The following ENTREP1 variants were observed in gnomAD, a reference collection of about 807,000 sequenced individuals.
ENTREP1 encodes Friedreich ataxia region gene X123.
the ENTREP1 span, chr9:69,336,263 A>G: frequency 6.3e-7 from 1 of 1,585,018 alleles, no homozygotes; most frequent in Non-Finnish European, 8.7e-7. Flanking sequence ...GGCCTATGAT[A>G]CTCCTGGTAT....
At chr9:69,365,822 C>T in the ENTREP1 span, among the ~76,000 whole-genome samples, 1 of 152,098 alleles carries the variant, frequency 6.6e-6, no homozygotes, top group Non-Finnish European at 1.5e-5. Flanking sequence ...ATAAGGGCCT[C>T]CAGTTCCACT....
At chr9:69,386,156 G>GTT in the ENTREP1 span, 3 of 407,508 alleles carry the variant, frequency 7.4e-6, no homozygotes, top group Non-Finnish European at 1.2e-5. Context: ...GGGTTTTTTT[G>GTT]TTTTTTTTTA....
the ENTREP1 span, among the ~76,000 whole-genome samples, chr9:69,339,532 C>G: frequency 6.6e-6 from 1 of 152,206 alleles, no homozygotes; most frequent in South Asian, 2.1e-4. Context: ...CTGCCCCTCC[C>G]TTAATGGATA....
At chr9:69,330,465 A>G in the ENTREP1 span, among the ~76,000 whole-genome samples, 1 of 152,216 alleles carries the variant, frequency 6.6e-6, no homozygotes, top group African/African-American at 2.4e-5. Flanking sequence ...CTTTGAGTCC[A>G]TGATTCTTTG....
the ENTREP1 span, chr9:69,387,462 C>T: frequency 5.6e-6 from 1 of 177,072 alleles, no homozygotes; most frequent in South Asian, 1.4e-4. Flanking sequence ...CTTCACAGTG[C>T]AGAAGCATTG....
the ENTREP1 span, among the ~76,000 whole-genome samples, chr9:69,366,477 A>T: frequency 6.9e-6 from 1 of 144,936 alleles, no homozygotes; most frequent in South Asian, 2.2e-4. Flanking sequence ...GTTTTCTCTC[A>T]TTCTACAGGT....
chr9:69,330,647 C>T, the ENTREP1 span, among the ~76,000 whole-genome samples: 1 of 152,154 alleles, frequency 6.6e-6, no homozygotes, highest in African/African-American at 2.4e-5. Context: ...TTTTATCATA[C>T]TAATCAAATA....
chr9:69,385,866 C>A, the ENTREP1 span: 1 of 1,610,014 alleles, frequency 6.2e-7, no homozygotes, highest in Non-Finnish European at 8.5e-7. Flanking sequence ...CCTGGTGCGT[C>A]CTATCAGAAG....
chr9:69,377,548 C>T, the ENTREP1 span: 5 of 1,611,576 alleles, frequency 3.1e-6, no homozygotes. Context: ...GTGTCATCCA[C>T]TGCCTCTCTC....
chr9:69,388,207 G>A, the ENTREP1 span: 1 of 1,614,158 alleles, frequency 6.2e-7, no homozygotes, highest in Non-Finnish European at 8.5e-7. Flanking sequence ...AAAGGAGACT[G>A]GATCTGGCTG....
At chr9:69,382,877 T>C in the ENTREP1 span, 2 of 283,304 alleles carry the variant, frequency 7.1e-6, no homozygotes, top group Non-Finnish European at 1.1e-5. Context: ...GTTCTCTTTT[T>C]TTTTCTTTCA....
the ENTREP1 span, among the ~76,000 whole-genome samples, chr9:69,389,187 TG>T: frequency 6.6e-6 from 1 of 152,140 alleles, no homozygotes; most frequent in Non-Finnish European, 1.5e-5. Context: ...CTGCAGGTAG[TG>T]GGGTGGATGT....
the ENTREP1 span, among the ~76,000 whole-genome samples, chr9:69,338,778 C>T: frequency 6.6e-6 from 1 of 152,192 alleles, no homozygotes; most frequent in African/African-American, 2.4e-5. Flanking sequence ...AAGTAGGCTG[C>T]TGCCTTATTT....
the ENTREP1 span, among the ~76,000 whole-genome samples, chr9:69,378,046 T>C: frequency 6.6e-6 from 1 of 152,200 alleles, no homozygotes; most frequent in African/African-American, 2.4e-5. Context: ...TTACTTTCTC[T>C]TTTTGTCTGA....
At chr9:69,372,755 G>A in the ENTREP1 span, among the ~76,000 whole-genome samples, 1 of 151,866 alleles carries the variant, frequency 6.6e-6, no homozygotes, top group Non-Finnish European at 1.5e-5. Context: ...ACTTTGTATG[G>A]TTTTTCATAG....
the ENTREP1 span, among the ~76,000 whole-genome samples, chr9:69,370,529 C>G: frequency 6.6e-6 from 1 of 152,074 alleles, no homozygotes; most frequent in Non-Finnish European, 1.5e-5. Flanking sequence ...AGGCTGCATC[C>G]AAATTAACAA....
chr9:69,341,109 AG>A, the ENTREP1 span, among the ~76,000 whole-genome samples: 1 of 152,198 alleles, frequency 6.6e-6, no homozygotes, highest in Non-Finnish European at 1.5e-5. Context: ...TTTAGTAAGA[AG>A]TGCTACTGTG....
At chr9:69,366,384 G>GTTTTTTTTTTTTTTTTTTTTTTTTTT in the ENTREP1 span, among the ~76,000 whole-genome samples, 6 of 122,992 alleles carry the variant, frequency 4.9e-5, 3 homozygotes, top group African/African-American at 5.7e-5. Context: ...TTCCAACTGG[G>GTTTTTTTTTTTTTTTTTTTTTTTTTT]GTTTTTTTTT....
the ENTREP1 span, chr9:69,387,854 T>C: frequency 7.8e-7 from 1 of 1,277,450 alleles, no homozygotes; most frequent in South Asian, 1.5e-5. Flanking sequence ...TCATACCCCA[T>C]GAAACTTAAC....
Sources: allele counts gnomAD v4.1 joint callset (sites outside exome capture counted in the v4.1 genomes callset), GRCh38; gene constraint gnomAD v4.1.1; transcripts MANE v1.5; gene names NCBI Gene and HGNC (gene_info 2026-07-23, HGNC 2026-07-21).